Variants in CELF2 observed in about 807,000 individuals in gnomAD.
CELF2 encodes CUG triplet repeat RNA-binding protein 2.
Under a neutral mutation model 62.6 loss-of-function variants are expected in CELF2, and 8 were observed. That is an observed-to-expected ratio of 0.13 (90% CI 0.07 to 0.23). The LOEUF is 0.23. Among genes scored for constraint, CELF2 ranks in the 10% least tolerant of loss-of-function variants. The pLI is 1.00. For missense variants in CELF2, 333 were observed against 671.0 expected, an observed-to-expected ratio of 0.50 and a Z score of 5.56; for synonymous variants, 258 against 250.0, an observed-to-expected ratio of 1.03 and a Z score of -0.30.
At chr10:10,888,916 A>AC (rs1453532319) in intron 1 of CELF2, among the ~76,000 whole-genome samples, 1 of 152,128 alleles carries the variant, frequency 6.6e-6, no homozygotes, top group African/African-American at 2.4e-5. Context: ...TGGAGCGGGG[A>AC]CCATGTCACT....
the CELF2 span, among the ~76,000 whole-genome samples, chr10:10,479,794 T>C: frequency 6.6e-6 from 1 of 152,248 alleles, no homozygotes; most frequent in East Asian, 1.9e-4. Context: ...TTATGTGGAA[T>C]AAATTGCATA....
At chr10:10,922,725 T>G (rs2065039449) in intron 2 of CELF2, 1 of 152,238 alleles carries the variant, frequency 6.6e-6, no homozygotes, top group African/African-American at 2.4e-5. Context: ...TGTCGAATCA[T>G]GTTGAAAATA....
intron 1 of CELF2, among the ~76,000 whole-genome samples, chr10:10,896,776 G>C (rs1043892760): frequency 1.4e-4 from 21 of 152,170 alleles, no homozygotes; most frequent in African/African-American, 4.8e-4. Flanking sequence ...TTCTAGAATT[G>C]TGCAGAATAA....
rs976831858 is a variant in CELF2, at chr10:10,938,794, C to G, written c.89+18795C>G. 1.3e-5 allele frequency among the ~76,000 whole-genome samples: 2 copies of G among 152,124 alleles called. No homozygotes were observed. The highest frequency in any genetic ancestry group is 4.8e-5 in the African/African-American group (2 of 41,428). On this transcript the variant is annotated intron_variant, in intron 2 of 13. Coordinates refer to the CELF2 transcript ENST00000636488. This position sits in a 1 kb window ranked among gnomAD's most constrained non-coding sequence, Gnocchi z 4.2. ...GGTTAGTGCCTGGACAACTCAGGCT[C>G]GAGCCCGCTGGGGACCCCGTGAAGC...
chr10:10,589,156 T>C, the CELF2 span, among the ~76,000 whole-genome samples: 1 of 152,078 alleles, frequency 6.6e-6, no homozygotes, highest in African/African-American at 2.4e-5. Flanking sequence ...CAACTGGAAG[T>C]GGGGGCTTCC....
At chr10:11,204,374 A>G (rs1109860) in intron 2 of CELF2, among the ~76,000 whole-genome samples, 113,043 of 152,118 alleles carry the variant, frequency 0.74, 43,300 homozygotes, top group Middle Eastern at 0.82. Context: ...AGAGTGTTGC[A>G]TGGACCATTT....
the CELF2 span, among the ~76,000 whole-genome samples, chr10:10,777,736 C>A: frequency 2.0e-5 from 3 of 152,160 alleles, no homozygotes; most frequent in Non-Finnish European, 4.4e-5. Flanking sequence ...TCTACACTAG[C>A]CCCCTTTGCC....
the CELF2 span, among the ~76,000 whole-genome samples, chr10:10,779,111 G>A: frequency 5.6e-3 from 845 of 152,202 alleles, 3 homozygotes; most frequent in Middle Eastern, 0.031. Flanking sequence ...ACCCTTTCCC[G>A]CCTCCTTATA....
the CELF2 span, among the ~76,000 whole-genome samples, chr10:10,694,027 T>C: frequency 8.7e-5 from 13 of 149,948 alleles, no homozygotes; most frequent in Non-Finnish European, 1.8e-4. Context: ...TCTGCTCTGA[T>C]TTTAGTTATT....
chr10:10,856,509 A>G (rs1033481395), intron 1 of CELF2, among the ~76,000 whole-genome samples: 1 of 152,196 alleles, frequency 6.6e-6, no homozygotes, highest in African/African-American at 2.4e-5. Flanking sequence ...GTGCTTTATC[A>G]TATTCTTCTG....
chr10:10,483,729 G>A, the CELF2 span, among the ~76,000 whole-genome samples: 1 of 150,834 alleles, frequency 6.6e-6, no homozygotes, highest in African/African-American at 2.5e-5. Flanking sequence ...GTGAGAGGCT[G>A]AAAGGAGGAC....
At chr10:10,635,633 G>C in the CELF2 span, among the ~76,000 whole-genome samples, 1 of 152,134 alleles carries the variant, frequency 6.6e-6, no homozygotes, top group Non-Finnish European at 1.5e-5. Context: ...CAAGTATATA[G>C]ATACATGTTT....
upstream of CELF2, among the ~76,000 whole-genome samples, chr10:11,004,422 CGT>C (rs10676789): frequency 0.059 from 8,782 of 148,144 alleles, 336 homozygotes; most frequent in Non-Finnish European, 0.087. This position sits in a 1 kb window ranked among gnomAD's most constrained non-coding sequence, Gnocchi z 5.0. Flanking sequence ...TGTGCGCGCG[CGT>C]GTGTGTGTGT....
the CELF2 span, among the ~76,000 whole-genome samples, chr10:10,785,161 A>T: frequency 1.3e-5 from 2 of 152,192 alleles, no homozygotes; most frequent in African/African-American, 2.4e-5. Flanking sequence ...TTGATTCTTC[A>T]TGGTGATCAA....
At position 11,052,370 on chromosome 10, in the gene CELF2, T is replaced by C. The variant is rs955815500; in HGVS notation, c.74+34207T>C. On this transcript the variant is annotated intron_variant, in intron 1 of 12. Coordinates refer to ENST00000633077, the MANE Select transcript of CELF2 (RefSeq NM_001326342.2). ...TAGTTCAGATAATTCATTTTTTTAG[T>C]TACTATGATTAAACCTTGCTTGATG... Among the ~76,000 whole-genome samples the C allele has an allele frequency of 3.9e-5, 6 of 152,372 alleles. No homozygotes were observed. In the East Asian group the frequency reaches 5.8e-4, roughly 15 times the overall value.
chr10:11,275,294 T>C (rs2134361), intron 8 of CELF2, among the ~76,000 whole-genome samples, 174 bp downstream of exon 8: 130,827 of 152,186 alleles, frequency 0.86, 57,828 homozygotes, highest in East Asian at 0.96. Context: ...GTCTCTGTTA[T>C]TTCTTAGGTT....
At chr10:11,197,067 A>AAAGAAAGG (rs1565234225) in intron 2 of CELF2, among the ~76,000 whole-genome samples, 1 of 101,284 alleles carries the variant, frequency 9.9e-6, no homozygotes, top group African/African-American at 4.4e-5. Flanking sequence ...GAAAAGAAAG[A>AAAGAAAGG]AAGGAAAGAA....
chr10:10,640,269 C>A, the CELF2 span, among the ~76,000 whole-genome samples: 1 of 152,196 alleles, frequency 6.6e-6, no homozygotes, highest in African/African-American at 2.4e-5. Flanking sequence ...TGAGTAAAGG[C>A]TTGGCTTCAG....
intron 2 of CELF2, among the ~76,000 whole-genome samples, chr10:11,194,542 C>T (rs1176849996): frequency 6.6e-6 from 1 of 152,116 alleles, no homozygotes; most frequent in East Asian, 1.9e-4. Flanking sequence ...ATTCAGGGTC[C>T]ACACATTGAC....
Sources: allele counts gnomAD v4.1 joint callset (sites outside exome capture counted in the v4.1 genomes callset), GRCh38; gene constraint gnomAD v4.1.1; non-coding constraint Gnocchi (gnomAD v3.1); transcripts MANE v1.5; gene names NCBI Gene and HGNC (gene_info 2026-07-23, HGNC 2026-07-21).